ALDH1L1: variants seen among roughly 807,000 people sequenced by gnomAD.
The protein encoded by ALDH1L1 is aldehyde dehydrogenase 1 family member L1, also known as cytosolic 10-formyltetrahydrofolate dehydrogenase.
In ALDH1L1, 68 loss-of-function variants were observed where a neutral mutation model predicts 101.1. The ratio of observed to expected loss-of-function variants is 0.67; its 90% confidence interval spans 0.55 to 0.82. ALDH1L1 has a LOEUF of 0.82. ALDH1L1 is among the 40% of genes least tolerant of loss of function. The pLI is 0.00. For synonymous variants in ALDH1L1, 486 were observed against 470.8 expected, an observed-to-expected ratio of 1.03 and a Z score of -0.42; for missense variants, 1,087 against 1,172.7, an observed-to-expected ratio of 0.93 and a Z score of 1.07.
chr3:126,116,272 C>A (rs1559920987), intron 17 of ALDH1L1, among the ~76,000 whole-genome samples: 2 of 151,578 alleles, frequency 1.3e-5, no homozygotes, highest in Non-Finnish European at 2.9e-5. Flanking sequence ...TTGAGCCAGG[C>A]TTTCTTTGTT....
intron 1 of ALDH1L1, among the ~76,000 whole-genome samples, chr3:126,194,346 C>T (rs1458018197): frequency 6.6e-6 from 1 of 152,168 alleles, no homozygotes; most frequent in Non-Finnish European, 1.5e-5. Flanking sequence ...GTTTACCTCT[C>T]TTTTGGATGC....
At position 126,180,566 on chromosome 3, in the gene ALDH1L1, G is replaced by C. The variant is rs1254264327; in HGVS notation, c.-114C>G. ...TGAGGTTGGTGCAGACCCGTCCTGGGAGCCAGGAGGTGGGACCTGTCCCCG... is the reference window on the plus strand; with the variant it reads ...TGAGGTTGGTGCAGACCCGTCCTGGCAGCCAGGAGGTGGGACCTGTCCCCG... On this transcript the variant is annotated 5_prime_UTR_variant, in exon 1 of 23. Coordinates refer to ENST00000393434, the MANE Select transcript of ALDH1L1 (RefSeq NM_012190.4). 6 of 1,121,458 alleles carry C rather than the reference G, an allele frequency of 5.4e-6. No individual in the cohort carries two copies. Among genetic ancestry groups the C allele is most frequent in the Middle Eastern group, 8.0e-4 (2 of 2,490 alleles). 69.5% of individuals were successfully genotyped at this position (1,121,458 alleles called of 1,614,324 possible). A position where few individuals can be genotyped will look rare whatever the true frequency, so the allele number is the denominator to read the frequency against.
chr3:126,139,361 T>C (rs2108258067), intron 9 of ALDH1L1, among the ~76,000 whole-genome samples: 1 of 152,262 alleles, frequency 6.6e-6, no homozygotes, highest in South Asian at 2.1e-4. Context: ...AAAAAATAAT[T>C]TGGAAAAGTC....
In ALDH1L1 at chr3:126,136,818, G is replaced by C. The variant is rs373953914; in HGVS notation, c.1290C>G (p.Phe430Leu). The part of the protein sequence containing the change: ...MPHQLFIGGE[F>L]VDAEGAKTSE... ...AGGTCTTGGCGCCCTCGGCATCCAC[G>C]AACTCCCCCCCAATGAAGAGCTGGT... The change falls in exon 11 of 23, where the codon TTC becomes TTG. Residue 430 changes from phenylalanine (F) to leucine (L), a missense_variant. Physicochemically the swap from Phe to Leu is conservative, Grantham distance 22 (BLOSUM62 0). Transcript: ENST00000393434. The C allele has an allele frequency of 6.2e-7, 1 of 1,606,970 alleles. No homozygotes were observed.
At chr3:126,158,328 G>A (rs2080958858) in intron 3 of ALDH1L1, 77 bp downstream of exon 3, 1 of 1,364,392 alleles carries the variant, frequency 7.3e-7, no homozygotes. Flanking sequence ...AATGCTTTGG[G>A]CTAATGGAAA....
At chr3:126,180,805 A>C (rs909346948), upstream of ALDH1L1, 1 of 1,518,558 alleles carries the variant, frequency 6.6e-7, no homozygotes. Context: ...CTTACTGTGG[A>C]CCCTTGGAGA....
intron 18 of ALDH1L1, 47 bp downstream of exon 18, chr3:126,114,510 C>A: frequency 7.0e-7 from 1 of 1,430,084 alleles, no homozygotes; most frequent in Non-Finnish European, 9.3e-7. Context: ...TCCCTACAGT[C>A]CCTGTTCCCG....
At chr3:126,182,189 C>A (rs1191184093), upstream of ALDH1L1, among the ~76,000 whole-genome samples, 2 of 152,140 alleles carry the variant, frequency 1.3e-5, no homozygotes, top group Non-Finnish European at 2.9e-5. Flanking sequence ...CTCTGTCACC[C>A]AGGCTAGAGT....
At chr3:126,123,977 C>G (rs1161515012) in intron 16 of ALDH1L1, among the ~76,000 whole-genome samples, 3 of 152,132 alleles carry the variant, frequency 2.0e-5, no homozygotes, top group African/African-American at 7.2e-5. Flanking sequence ...CAACTAAACA[C>G]AACAAAAACT....
intron 1 of ALDH1L1, among the ~76,000 whole-genome samples, chr3:126,175,837 G>A (rs569706226): frequency 1.9e-4 from 29 of 152,204 alleles, no homozygotes; most frequent in African/African-American, 6.5e-4. Flanking sequence ...TGGAAGTGCT[G>A]GCTAATGTAA....
chr3:126,170,732 C>T (rs2081256863), intron 1 of ALDH1L1, among the ~76,000 whole-genome samples: 1 of 152,180 alleles, frequency 6.6e-6, no homozygotes, highest in Non-Finnish European at 1.5e-5. Flanking sequence ...GTACTGTCAT[C>T]TCAGACAAAC....
chr3:126,144,605 G>T (rs913213065), intron 9 of ALDH1L1, among the ~76,000 whole-genome samples: 4 of 152,210 alleles, frequency 2.6e-5, no homozygotes, highest in African/African-American at 9.6e-5. Flanking sequence ...ATGGGGAAGC[G>T]ATAGTCCCTT....
intron 1 of ALDH1L1, among the ~76,000 whole-genome samples, chr3:126,165,616 A>C (rs2081150558): frequency 6.6e-6 from 1 of 152,176 alleles, no homozygotes; most frequent in Non-Finnish European, 1.5e-5. Flanking sequence ...ATATTGGTCT[A>C]TTCAGCATTT....
At chr3:126,148,836 G>A (rs1056475781) in intron 8 of ALDH1L1, among the ~76,000 whole-genome samples, 7 of 152,274 alleles carry the variant, frequency 4.6e-5, no homozygotes, top group South Asian at 4.2e-4. Flanking sequence ...AGCAAACTGG[G>A]CCTAAATTTA....
intron 1 of ALDH1L1, among the ~76,000 whole-genome samples, chr3:126,169,563 G>T (rs777806439): frequency 3.3e-5 from 5 of 152,122 alleles, no homozygotes; most frequent in Non-Finnish European, 7.4e-5. Flanking sequence ...TCTGATGTGT[G>T]GTAAGTAAAG....
In ALDH1L1 at chr3:126,158,621, T is replaced by C. The variant is rs2080970413; in HGVS notation, c.146A>G (p.Asp49Gly). 1.5e-5 allele frequency: 24 copies of C among 1,612,916 alleles called. No homozygotes were observed. Among genetic ancestry groups the C allele is most frequent in the Non-Finnish European group, 2.0e-5 (24 of 1,178,988 alleles). Reference protein sequence around the residue: ...ADPLGLEAEKDGVPVFKYSRW... With the variant: ...ADPLGLEAEKGGVPVFKYSRW... ...GGAGTACTTGAATACCGGCACTCCATCCTTCTCAGCTTCCAGACCTGTGGG... is the reference window on the plus strand; with the variant it reads ...GGAGTACTTGAATACCGGCACTCCACCCTTCTCAGCTTCCAGACCTGTGGG... Residue 49 changes from aspartate (D) to glycine (G), a missense_variant, in exon 3 of 23, where the codon GAT (aspartate) becomes GGT (glycine). Around this residue, in one of 2 missense-constraint regions of ALDH1L1, gnomAD observed 645 missense variants for 637.0 expected, o/e 1.01. Transcript: ENST00000393434.
intron 2 of ALDH1L1, 110 bp from the exon 3 acceptor site, chr3:126,158,749 C>T (rs560701681): frequency 2.2e-5 from 22 of 1,007,346 alleles, no homozygotes; most frequent in Non-Finnish European, 3.0e-5. Flanking sequence ...TTCCTGCCCC[C>T]TCACCCACAC....
At chr3:126,119,137 C>G (rs1256139900) in intron 16 of ALDH1L1, among the ~76,000 whole-genome samples, 13 of 152,266 alleles carry the variant, frequency 8.5e-5, no homozygotes, top group African/African-American at 3.1e-4. Flanking sequence ...TGGCTCTGTA[C>G]CAGGCCCTCT....
intron 18 of ALDH1L1, among the ~76,000 whole-genome samples, chr3:126,114,164 T>A (rs1478195026): frequency 6.6e-6 from 1 of 152,244 alleles, no homozygotes; most frequent in Non-Finnish European, 1.5e-5. Flanking sequence ...TACATATAGA[T>A]GGTAAAATGG....
Sources: allele counts gnomAD v4.1 joint callset (sites outside exome capture counted in the v4.1 genomes callset), GRCh38; gene constraint gnomAD v4.1.1; regional missense constraint gnomAD v4.1.1; transcripts MANE v1.5; gene names NCBI Gene and HGNC (gene_info 2026-07-23, HGNC 2026-07-21).